Variants in KLHL1 observed in about 807,000 individuals in gnomAD.
KLHL1 encodes kelch like family member 1.
A neutral mutation model predicts 77.7 loss-of-function variants in KLHL1; 47 were observed. The observed-to-expected ratio is 0.60, with a 90% CI of 0.48 to 0.77. The LOEUF (loss-of-function observed/expected upper bound fraction) is 0.77, where lower values mean the gene tolerates loss of function less well. KLHL1 is among the 30% of genes least tolerant of loss of function. KLHL1 has a pLI of 0.00. For missense variants in KLHL1, 925 were observed against 910.8 expected (o/e 1.02, Z -0.20); for synonymous variants, 360 against 325.2 (o/e 1.11, Z -1.15).
At chr13:69,916,746 TAATAA>T (rs1004254939) in intron 4 of KLHL1, among the ~76,000 whole-genome samples, 19 of 150,730 alleles carry the variant, frequency 1.3e-4, no homozygotes, top group East Asian at 3.9e-4. Context: ...ATAATAAAAA[TAATAA>T]AATAAAGTGA....
At chr13:70,098,107 G>T (rs536119214) in intron 1 of KLHL1, among the ~76,000 whole-genome samples, 1 of 151,684 alleles carries the variant, frequency 6.6e-6, no homozygotes, top group African/African-American at 2.4e-5. Flanking sequence ...CATTAACTCT[G>T]GTATTATAGA....
chr13:69,956,805 T>C (rs1274655079), intron 3 of KLHL1, among the ~76,000 whole-genome samples: 1 of 151,644 alleles, frequency 6.6e-6, no homozygotes, highest in Non-Finnish European at 1.5e-5. Flanking sequence ...CTCAAGAAGA[T>C]TTTACAAATG....
chr13:70,069,364 C>T (rs1348824013), intron 1 of KLHL1, among the ~76,000 whole-genome samples: 1 of 152,172 alleles, frequency 6.6e-6, no homozygotes, highest in Non-Finnish European at 1.5e-5. Flanking sequence ...ATAGTAAACA[C>T]ATATCAACTC....
Position 70,050,400 on chromosome 13 carries a change from T to G in KLHL1, c.497+56803A>C, listed in dbSNP as rs549111306. 1.3e-4 allele frequency among the ~76,000 whole-genome samples: 19 copies of G among 151,954 alleles called. No individual in the cohort carries two copies. The South Asian group carries it at 3.9e-3, about 31-fold the overall frequency. On this transcript the variant is annotated intron_variant, in intron 1 of 10. Transcript: ENST00000377844. The stretch of plus-strand genomic sequence containing the variant: ...GATTATAAAATATTAAAATTAAGTT[T>G]GAATTTCTGATATGTTCAGTTAAAA...
At chr13:69,964,057 T>TTTGC (rs66892577) in intron 2 of KLHL1, among the ~76,000 whole-genome samples, 387 of 22,374 alleles carry the variant, frequency 0.017, no homozygotes, top group Non-Finnish European at 0.022. Context: ...TTGTTTGTTT[T>TTTGC]TTTAAAAATA....
chr13:70,006,079 T>C (rs905637889), intron 1 of KLHL1, among the ~76,000 whole-genome samples: 1 of 152,214 alleles, frequency 6.6e-6, no homozygotes, highest in Middle Eastern at 3.4e-3. Flanking sequence ...TTGACTATTT[T>C]AGATTCATCA....
chr13:69,935,425 A>G (rs1215875808), intron 4 of KLHL1, among the ~76,000 whole-genome samples: 1 of 152,156 alleles, frequency 6.6e-6, no homozygotes, highest in African/African-American at 2.4e-5. Flanking sequence ...GACAACAAAA[A>G]CAACAATAAC....
At chr13:69,987,878 A>T (rs766786333) in intron 1 of KLHL1, among the ~76,000 whole-genome samples, 4 of 152,138 alleles carry the variant, frequency 2.6e-5, no homozygotes, top group Non-Finnish European at 4.4e-5. Context: ...TTACTATGAA[A>T]AGATACATTA....
At chr13:69,925,847 A>C (rs1882797843) in intron 4 of KLHL1, among the ~76,000 whole-genome samples, 1 of 152,202 alleles carries the variant, frequency 6.6e-6, no homozygotes, top group African/African-American at 2.4e-5. Flanking sequence ...TTTAGCTTGT[A>C]TACTGTGTGA....
At chr13:69,883,275 G>A (rs1025648962) in intron 4 of KLHL1, among the ~76,000 whole-genome samples, 1 of 152,130 alleles carries the variant, frequency 6.6e-6, no homozygotes, top group Non-Finnish European at 1.5e-5. Flanking sequence ...GTTTAAGCAA[G>A]CTGGTGTTCA....
At chr13:70,058,387 A>T (rs1886799029) in intron 1 of KLHL1, among the ~76,000 whole-genome samples, 1 of 152,224 alleles carries the variant, frequency 6.6e-6, no homozygotes, top group African/African-American at 2.4e-5. Context: ...AAGTTATAGG[A>T]TACAAAATCA....
chr13:70,075,588 TACACACACACAC>T (rs772766804), intron 1 of KLHL1, among the ~76,000 whole-genome samples: 102 of 121,906 alleles, frequency 8.4e-4, no homozygotes, highest in East Asian at 1.2e-3. Context: ...TATATATATA[TACACACACACAC>T]ATATATATAG....
chr13:69,953,631 A>G (rs1271475774), intron 3 of KLHL1, among the ~76,000 whole-genome samples: 1 of 151,256 alleles, frequency 6.6e-6, no homozygotes, highest in Non-Finnish European at 1.5e-5. Flanking sequence ...TCATGAATAT[A>G]CAATAAAAAT....
chr13:69,709,612 A>G (rs2137877066), intron 9 of KLHL1, among the ~76,000 whole-genome samples: 1 of 151,666 alleles, frequency 6.6e-6, no homozygotes, highest in African/African-American at 2.4e-5. Context: ...CAATTATTGA[A>G]GTTTTTATTA....
chr13:69,806,590 C>T (rs1025983194), intron 6 of KLHL1, among the ~76,000 whole-genome samples: 14 of 152,216 alleles, frequency 9.2e-5, no homozygotes, highest in Admixed American at 2.6e-4. Context: ...AGACCCTGGA[C>T]GTGGGGAAAC....
chr13:69,837,201 T>C (rs1225835338), intron 6 of KLHL1, among the ~76,000 whole-genome samples: 1 of 151,866 alleles, frequency 6.6e-6, no homozygotes, highest in Non-Finnish European at 1.5e-5. Flanking sequence ...TAATTTTTCA[T>C]CTAGGTGTAT....
intron 3 of KLHL1, among the ~76,000 whole-genome samples, chr13:69,945,702 C>T (rs1883503999): frequency 6.6e-6 from 1 of 152,088 alleles, no homozygotes; most frequent in African/African-American, 2.4e-5. Context: ...ATTACAAACA[C>T]AATGACATGC....
intron 7 of KLHL1, among the ~76,000 whole-genome samples, chr13:69,785,693 C>T (rs1876501016): frequency 6.6e-6 from 1 of 151,514 alleles, no homozygotes; most frequent in African/African-American, 2.4e-5. Flanking sequence ...CACAAAAAAC[C>T]CTTCAAAAAA....
chr13:69,893,445 A>T (rs912233927), intron 4 of KLHL1, among the ~76,000 whole-genome samples: 16 of 152,092 alleles, frequency 1.1e-4, no homozygotes, highest in African/African-American at 3.1e-4. Context: ...CTTGTTAGCC[A>T]GGATGGTCTT....
Sources: gnomAD v4.1 joint callset for allele counts (sites outside exome capture counted in the v4.1 genomes callset) on GRCh38, gnomAD v4.1.1 for gene constraint, MANE v1.5 for transcripts, NCBI Gene and HGNC (gene_info 2026-07-23, HGNC 2026-07-21) for gene names.